Variants in IGSF21 observed in about 807,000 individuals in gnomAD.
IGSF21 encodes immunoglobulin superfamily member 21.
IGSF21 carries 28 observed loss-of-function variants against 46.8 expected under a neutral mutation model. The ratio of observed to expected loss-of-function variants is 0.60; its 90% CI spans 0.44 to 0.82. The LOEUF (loss-of-function observed/expected upper bound fraction) is 0.82. Ranked by LOEUF, IGSF21 falls within the 40% of genes least tolerant of loss-of-function variation. The pLI is 0.00. For missense variants in IGSF21, 624 were observed against 665.5 expected (o/e 0.94, Z 0.69); for synonymous variants, 284 against 273.6 (o/e 1.04, Z -0.38).
rs757289599 is a variant in IGSF21, at chr1:18,365,261, G to T, written c.579G>T (p.Val193=). The T allele has an allele frequency of 5.0e-6, 8 of 1,612,594 alleles. No homozygotes were observed. The highest frequency in any genetic ancestry group is 6.8e-6 in the Non-Finnish European group (8 of 1,179,184). ...FKRDGEPIDA[V]PLSEPPAASS... ...GAGATGGGGAACCAATCGACGCAGT[G>T]CCCCTATCAGAGCCACCAGCTGCGA... Residue 193 remains valine (V), a synonymous_variant, in exon 6 of 10, where the codon GTG becomes GTT. Coordinates refer to ENST00000251296, the MANE Select transcript of IGSF21 (RefSeq NM_032880.5). This position sits in a 1 kb window ranked among gnomAD's most constrained non-coding sequence, Gnocchi z 4.8.
chr1:18,181,559 C>G (rs2086858583), intron 1 of IGSF21, among the ~76,000 whole-genome samples: 1 of 152,218 alleles, frequency 6.6e-6, no homozygotes, highest in African/African-American at 2.4e-5. Context: ...CTTCCCCTTC[C>G]TGCTCCTGAC....
chr1:18,210,119 C>T (rs2084374366), intron 1 of IGSF21, among the ~76,000 whole-genome samples: 3 of 152,260 alleles, frequency 2.0e-5, no homozygotes, highest in South Asian at 4.2e-4. Flanking sequence ...CTGTAATAGG[C>T]TGATGTTTCT....
intron 1 of IGSF21, among the ~76,000 whole-genome samples, chr1:18,224,173 G>A (rs978599447): frequency 6.6e-6 from 1 of 152,206 alleles, no homozygotes; most frequent in African/African-American, 2.4e-5. Flanking sequence ...TTGTCTCACT[G>A]TATTCGCTCC....
chr1:18,127,110 C>A (rs2124412979), intron 1 of IGSF21, among the ~76,000 whole-genome samples: 1 of 152,320 alleles, frequency 6.6e-6, no homozygotes, highest in South Asian at 2.1e-4. Context: ...AAGTCACTGG[C>A]TAGATGGGTC....
intron 1 of IGSF21, among the ~76,000 whole-genome samples, chr1:18,144,090 G>A (rs2124427856): frequency 6.6e-6 from 1 of 152,268 alleles, no homozygotes; most frequent in Non-Finnish European, 1.5e-5. Flanking sequence ...CACCTTAGGG[G>A]AATGTCAGTG....
intron 2 of IGSF21, among the ~76,000 whole-genome samples, chr1:18,276,243 T>C (rs543794262): frequency 3.9e-4 from 60 of 152,320 alleles, no homozygotes; most frequent in African/African-American, 1.4e-3. Context: ...CCCTGGTGTC[T>C]GCTGGGATCA....
In IGSF21 at chr1:18,241,760, A is replaced by G. The variant is rs377132145; in HGVS notation, c.183+13750A>G. On this transcript the variant is annotated intron_variant, in intron 2 of 9. Coordinates refer to ENST00000251296, the MANE Select transcript of IGSF21 (RefSeq NM_032880.5). ...TCAGGTGCTGCGCTAGGTATGTTAC[A>G]AAGATCACCTCACTGAATCCATACA... Among the ~76,000 whole-genome samples the G allele has an allele frequency of 1.2e-4, 18 of 152,312 alleles. No homozygotes were observed. The East Asian group carries it at 3.1e-3, about 26-fold the overall frequency.
At chr1:18,278,993 G>T (rs1434071813) in intron 2 of IGSF21, 1 of 449,830 alleles carries the variant, frequency 2.2e-6, no homozygotes, top group Non-Finnish European at 4.7e-6. Flanking sequence ...ATAGAACTAA[G>T]CTAGGGCTTG....
intron 2 of IGSF21, among the ~76,000 whole-genome samples, chr1:18,272,747 T>A (rs2085054968): frequency 2.6e-5 from 4 of 152,224 alleles, no homozygotes; most frequent in Admixed American, 2.6e-4. Context: ...CTCTCAAGCC[T>A]CTCACAGTCT....
chr1:18,189,504 G>A (rs928329219), intron 1 of IGSF21, among the ~76,000 whole-genome samples: 2 of 151,990 alleles, frequency 1.3e-5, no homozygotes, highest in African/African-American at 2.4e-5. Flanking sequence ...TTATTACATT[G>A]TAATATATAA....
At chr1:18,127,714 G>A (rs771308321) in intron 1 of IGSF21, among the ~76,000 whole-genome samples, 2 of 152,050 alleles carry the variant, frequency 1.3e-5, no homozygotes, top group African/African-American at 2.4e-5. Flanking sequence ...ACCAGCCTGG[G>A]AAACATGGTG....
intron 3 of IGSF21, among the ~76,000 whole-genome samples, chr1:18,309,045 A>G (rs2085455074): frequency 6.6e-6 from 1 of 152,026 alleles, no homozygotes; most frequent in Non-Finnish European, 1.5e-5. Context: ...GAGCTCCACC[A>G]GCTGGGTGAG....
At chr1:18,370,717 G>C (rs1425925779) in intron 6 of IGSF21, among the ~76,000 whole-genome samples, 2 of 152,078 alleles carry the variant, frequency 1.3e-5, no homozygotes, top group African/African-American at 4.8e-5. Context: ...ATCTGACAAA[G>C]CATTTGTAAC....
intron 2 of IGSF21, among the ~76,000 whole-genome samples, chr1:18,235,012 T>G (rs1206689112): frequency 6.6e-6 from 1 of 152,190 alleles, no homozygotes; most frequent in Non-Finnish European, 1.5e-5. Flanking sequence ...TGATCTTTAA[T>G]GGAAGTTCTA....
chr1:18,288,066 T>C (rs1040445298), intron 2 of IGSF21, among the ~76,000 whole-genome samples: 2 of 152,130 alleles, frequency 1.3e-5, no homozygotes, highest in African/African-American at 2.4e-5. Flanking sequence ...GTAATCCTCA[T>C]AGGGAGGAAC....
chr1:18,272,491 G>A (rs866933435), intron 2 of IGSF21, among the ~76,000 whole-genome samples: 7 of 152,328 alleles, frequency 4.6e-5, no homozygotes, highest in Middle Eastern at 3.4e-3. Flanking sequence ...TGCACACAGG[G>A]CACTTAGCAC....
chr1:18,225,612 C>G (rs2084558859), intron 1 of IGSF21, among the ~76,000 whole-genome samples: 1 of 152,116 alleles, frequency 6.6e-6, no homozygotes, highest in Admixed American at 6.5e-5. Context: ...GCCATCTGGA[C>G]TGATGAGGCT....
intron 2 of IGSF21, among the ~76,000 whole-genome samples, chr1:18,246,305 C>T (rs1037507663): frequency 1.3e-5 from 2 of 152,062 alleles, no homozygotes; most frequent in Non-Finnish European, 2.9e-5. Flanking sequence ...ACTCTTGCTG[C>T]CTCAGGTCCC....
chr1:18,164,589 C>T (rs1433387018), intron 1 of IGSF21, among the ~76,000 whole-genome samples: 3 of 152,112 alleles, frequency 2.0e-5, no homozygotes, highest in Admixed American at 6.6e-5. Flanking sequence ...AAATGTTGCC[C>T]GTCTGATCAG....
Sources: allele counts gnomAD v4.1 joint callset (sites outside exome capture counted in the v4.1 genomes callset), GRCh38; gene constraint gnomAD v4.1.1; non-coding constraint Gnocchi (gnomAD v3.1); transcripts MANE v1.5; gene names NCBI Gene and HGNC (gene_info 2026-07-23, HGNC 2026-07-21).